NDST4: variants seen among roughly 807,000 people sequenced by gnomAD.
The protein encoded by NDST4 is N-deacetylase and N-sulfotransferase 4, also known as N-heparan sulfate sulfotransferase 4.
Under a neutral mutation model 100.8 loss-of-function variants are expected in NDST4, and 63 were observed. The ratio of observed to expected loss-of-function variants is 0.62; its 90% CI spans 0.51 to 0.77. NDST4 has a LOEUF of 0.77. NDST4 is among the 30% of genes least tolerant of loss of function. The pLI, the probability that NDST4 is intolerant of heterozygous loss-of-function variation, is 0.00. For missense variants in NDST4, 943 were observed against 1,018.4 expected, an observed-to-expected ratio of 0.93 and a Z score of 1.01; for synonymous variants, 377 against 361.8, an observed-to-expected ratio of 1.04 and a Z score of -0.48.
At chr4:115,041,632 G>T (rs1265246236) in intron 2 of NDST4, among the ~76,000 whole-genome samples, 2 of 152,004 alleles carry the variant, frequency 1.3e-5, no homozygotes, top group African/African-American at 4.8e-5. Flanking sequence ...TGTCTTTTTT[G>T]AAGTTAATTT....
At chr4:114,980,422 T>A (rs279516) in intron 2 of NDST4, among the ~76,000 whole-genome samples, 62,561 of 151,976 alleles carry the variant, frequency 0.41, 13,868 homozygotes, top group African/African-American at 0.58. Context: ...CAGGTGGATC[T>A]TTTGAGGTCA....
At chr4:114,841,811 A>T (rs886118324) in intron 10 of NDST4, among the ~76,000 whole-genome samples, 16 of 152,128 alleles carry the variant, frequency 1.1e-4, no homozygotes, top group African/African-American at 3.9e-4. Flanking sequence ...ATAAATTCTG[A>T]TGGTAGTTTA....
At chr4:115,003,064 A>G (rs1175523595) in intron 2 of NDST4, among the ~76,000 whole-genome samples, 2 of 152,084 alleles carry the variant, frequency 1.3e-5, no homozygotes, top group Non-Finnish European at 2.9e-5. Context: ...AACATCATAC[A>G]CTGGGGCCTG....
chr4:114,976,767 T>C (rs369905289), intron 3 of NDST4, among the ~76,000 whole-genome samples: 1 of 151,970 alleles, frequency 6.6e-6, no homozygotes, highest in Non-Finnish European at 1.5e-5. Context: ...TTTCTCTCTA[T>C]CATCAGATGT....
At chr4:114,829,522 G>T (rs1199796261) in intron 13 of NDST4, among the ~76,000 whole-genome samples, 1 of 152,126 alleles carries the variant, frequency 6.6e-6, no homozygotes, top group Non-Finnish European at 1.5e-5. Context: ...ATTTGGAAAT[G>T]AGTCATTTTT....
At chr4:114,927,708 A>T (rs1002742294) in intron 6 of NDST4, among the ~76,000 whole-genome samples, 10 of 152,138 alleles carry the variant, frequency 6.6e-5, no homozygotes, top group Non-Finnish European at 1.3e-4. Flanking sequence ...GAAAACTATC[A>T]ATCATTTTCA....
chr4:114,986,630 C>T (rs1726907129), intron 2 of NDST4, among the ~76,000 whole-genome samples: 1 of 151,626 alleles, frequency 6.6e-6, no homozygotes, highest in South Asian at 2.1e-4. Flanking sequence ...CTCTCTTCCT[C>T]TGGTTTCTGT....
Position 114,937,479 on chromosome 4 carries a change from C to A in NDST4, c.1246G>T (p.Gly416Cys). 6.3e-7 allele frequency: 1 copy of A among 1,584,648 alleles called. No individual in the cohort carries two copies. The change falls in exon 5 of 14, where the codon GGC (glycine) becomes TGC (cysteine). Residue 416 changes from glycine (G) to cysteine (C), a missense_variant. Around this residue, in one of 2 missense-constraint regions of NDST4, gnomAD observed 526 missense variants for 634.1 expected, o/e 0.83. Coordinates refer to ENST00000264363, the MANE Select transcript of NDST4 (RefSeq NM_022569.3). ...ALEHGIPINM[G>C]YAVAPHHSGV... ...GAGTGATGTGGGGCCACAGCATAGC[C>A]CATGTTGATTGGTATTCCATGTTCC...
At chr4:114,968,248 G>A (rs1030991645) in intron 4 of NDST4, among the ~76,000 whole-genome samples, 2 of 152,098 alleles carry the variant, frequency 1.3e-5, no homozygotes, top group African/African-American at 2.4e-5. Flanking sequence ...TTCCAAAGAT[G>A]GCTTAAAACA....
chr4:114,890,691 A>C (rs1036818831), intron 6 of NDST4, among the ~76,000 whole-genome samples: 3 of 152,064 alleles, frequency 2.0e-5, no homozygotes, highest in Non-Finnish European at 4.4e-5. Context: ...TCTTCAGAAT[A>C]GAACAGTGTA....
intron 2 of NDST4, among the ~76,000 whole-genome samples, chr4:114,986,830 A>ATATTTATTTATTTATTTATT (rs1553959397): frequency 1.1e-5 from 1 of 91,962 alleles, no homozygotes; most frequent in Non-Finnish European, 2.3e-5. Flanking sequence ...ATATATATAT[A>ATATTTATTTATTTATTTATT]TATTTTAATA....
intron 9 of NDST4, among the ~76,000 whole-genome samples, chr4:114,847,661 A>T (rs1723584287): frequency 1.4e-5 from 2 of 146,766 alleles, no homozygotes; most frequent in Admixed American, 1.3e-4. Flanking sequence ...CTGTGATTTT[A>T]TTTTTTTCAT....
intron 4 of NDST4, among the ~76,000 whole-genome samples, chr4:114,961,663 A>C (rs1001290110): frequency 6.6e-6 from 1 of 152,072 alleles, no homozygotes; most frequent in African/African-American, 2.4e-5. Context: ...ATATAAATAG[A>C]CTTATAACAA....
At chr4:115,033,129 G>GTATATATATATA (rs1728149735) in intron 2 of NDST4, among the ~76,000 whole-genome samples, 2 of 55,882 alleles carry the variant, frequency 3.6e-5, no homozygotes, top group African/African-American at 1.4e-4. Context: ...ATATATATAT[G>GTATATATATATA]TGTATATATA....
intron 6 of NDST4, among the ~76,000 whole-genome samples, chr4:114,919,536 A>C (rs142510009): frequency 7.6e-4 from 116 of 152,290 alleles, no homozygotes; most frequent in African/African-American, 2.7e-3. Flanking sequence ...GCATGTATGA[A>C]AACCTATATG....
At chr4:114,937,545 A>G (rs920617503) in intron 4 of NDST4, 42 bp from the exon 5 acceptor site, 9 of 1,446,024 alleles carry the variant, frequency 6.2e-6, no homozygotes, top group Non-Finnish European at 2.8e-6. Context: ...GACAAGGCCA[A>G]TTAATTCAGT....
chr4:114,962,741 G>C (rs1177905755), intron 4 of NDST4, among the ~76,000 whole-genome samples: 1 of 152,052 alleles, frequency 6.6e-6, no homozygotes, highest in East Asian at 1.9e-4. Flanking sequence ...TTCCCAAATT[G>C]AGTTGCAGAT....
At chr4:114,969,051 C>G (rs967151730) in intron 4 of NDST4, among the ~76,000 whole-genome samples, 10 of 152,188 alleles carry the variant, frequency 6.6e-5, no homozygotes, top group African/African-American at 2.2e-4. Flanking sequence ...TCAACTCATT[C>G]ATTTCTTCCT....
chr4:114,908,597 C>T (rs1383206119), intron 6 of NDST4, among the ~76,000 whole-genome samples: 9 of 152,032 alleles, frequency 5.9e-5, no homozygotes, highest in Non-Finnish European at 1.2e-4. Flanking sequence ...AGCTGCAGGG[C>T]ACTTGGGTGG....
Sources: gnomAD v4.1 joint callset for allele counts (sites outside exome capture counted in the v4.1 genomes callset) on GRCh38, gnomAD v4.1.1 for gene constraint, gnomAD v4.1.1 regional missense constraint, MANE v1.5 for transcripts, NCBI Gene and HGNC (gene_info 2026-07-23, HGNC 2026-07-21) for gene names.